The following NTN4 variants were observed in gnomAD, a reference collection of about 807,000 sequenced individuals.
The protein encoded by NTN4 is netrin-4.
Under a neutral mutation model 73.6 loss-of-function variants are expected in NTN4, and 32 were observed. That is an observed-to-expected ratio of 0.44 (90% CI 0.33 to 0.58). The LOEUF (loss-of-function observed/expected upper bound fraction) is 0.58. Ranked by LOEUF, NTN4 falls within the 20% of genes least tolerant of loss-of-function variation. The pLI, the probability that NTN4 is intolerant of heterozygous loss-of-function variation, is 0.04. For synonymous variants in NTN4, 258 were observed against 287.5 expected (o/e 0.90, Z 1.04); for missense variants, 654 against 798.3 (o/e 0.82, Z 2.18).
rs75887151 is a variant in NTN4, at chr12:95,717,530, G to T, written c.865-4192C>A. ...GTCATTTTGAGAATTACCAAAAATA[G>T]CTGTAAATCATTACCTAGACAATTT... On this transcript the variant is annotated intron_variant, in intron 3 of 9. Transcript: ENST00000343702. 8.2e-3 allele frequency among the ~76,000 whole-genome samples: 1,255 copies of T among 152,124 alleles called. 14 individuals are homozygous for T. Among genetic ancestry groups the T allele is most frequent in the African/African-American group, 0.029 (1,202 of 41,510 alleles).
chr12:95,707,872 G>A (rs1209072865), intron 5 of NTN4, among the ~76,000 whole-genome samples: 1 of 152,158 alleles, frequency 6.6e-6, no homozygotes, highest in South Asian at 2.1e-4. Flanking sequence ...ATCCAAGTTA[G>A]TGACAAATTA....
At chr12:95,675,256 T>C (rs2078264616) in intron 7 of NTN4, among the ~76,000 whole-genome samples, 1 of 152,204 alleles carries the variant, frequency 6.6e-6, no homozygotes, top group South Asian at 2.1e-4. Context: ...CACGAGATTA[T>C]GTTAAGTGAA....
intron 2 of NTN4, among the ~76,000 whole-genome samples, chr12:95,750,763 C>T (rs1158214729): frequency 6.6e-6 from 1 of 152,190 alleles, no homozygotes; most frequent in Non-Finnish European, 1.5e-5. Flanking sequence ...CCTTCCTCCC[C>T]AGGCTGCTCC....
At chr12:95,680,225 C>T (rs2078305267) in intron 7 of NTN4, among the ~76,000 whole-genome samples, 2 of 152,288 alleles carry the variant, frequency 1.3e-5, no homozygotes, top group Admixed American at 6.5e-5. Context: ...TTATTTACAG[C>T]GCTGCCACAT....
intron 4 of NTN4, among the ~76,000 whole-genome samples, chr12:95,712,258 C>G (rs1418458379): frequency 6.6e-6 from 1 of 152,054 alleles, no homozygotes; most frequent in East Asian, 1.9e-4. Flanking sequence ...TTAGTTAGTC[C>G]TTGTAGAGAA....
rs1247897505 is a variant in NTN4, at chr12:95,789,836, T to A, written c.55+419A>T. The A allele has an allele frequency of 6.0e-6, 1 of 167,794 alleles. No individual in the cohort carries two copies. Among genetic ancestry groups the A allele is most frequent in the East Asian group, 1.7e-4 (1 of 6,032 alleles). 10.4% of individuals were successfully genotyped at this position (167,794 alleles called of 1,614,324 possible). A position where few individuals can be genotyped will look rare whatever the true frequency, so the allele number is the denominator to read the frequency against. Reference sequence around the variant, plus strand: ...GTCAGGGACACCAGCGATGGGCTTCTACCAGAGACCGGCCCCAGCCCACGC... The same window carrying A: ...GTCAGGGACACCAGCGATGGGCTTCAACCAGAGACCGGCCCCAGCCCACGC... On this transcript the variant is annotated intron_variant, in intron 1 of 9. Transcript: ENST00000343702. This position sits in a 1 kb window ranked among gnomAD's most constrained non-coding sequence, Gnocchi z 4.0.
In NTN4 at chr12:95,672,592, C is replaced by T. The variant is rs144645816; in HGVS notation, c.1511-2446G>A. ...ATGAGCGGCACTATGGGGGTCTGAC[C>T]GATCTCGGTAAAGCAGAAACTGCTG... On this transcript the variant is annotated intron_variant, in intron 7 of 9. Coordinates refer to ENST00000343702, the MANE Select transcript of NTN4 (RefSeq NM_021229.4). 287 of 1,525,704 alleles carry T rather than the reference C, an allele frequency of 1.9e-4. 2 individuals are homozygous for T. The East Asian group carries it at 5.6e-3, about 30-fold the overall frequency. The allele number at this position is 1,525,704 out of a possible 1,614,324, so 94.5% of individuals were successfully genotyped here.
At chr12:95,667,471 C>T (rs899599082) in intron 8 of NTN4, among the ~76,000 whole-genome samples, 3 of 151,998 alleles carry the variant, frequency 2.0e-5, no homozygotes, top group African/African-American at 7.3e-5. Flanking sequence ...GCGAATACAG[C>T]GTCAGACAGC....
intron 2 of NTN4, among the ~76,000 whole-genome samples, chr12:95,738,550 G>A (rs1040622628): frequency 6.6e-6 from 1 of 152,144 alleles, no homozygotes; most frequent in Admixed American, 6.5e-5. Context: ...CTGGAGAGGC[G>A]GACAGAGAGC....
chr12:95,683,352 A>C (rs1332584472), intron 6 of NTN4, 146 bp downstream of exon 6: 1 of 760,276 alleles, frequency 1.3e-6, no homozygotes, highest in African/African-American at 1.7e-5. Context: ...GTGAGCCACC[A>C]CGCCCAGCCT....
intron 2 of NTN4, among the ~76,000 whole-genome samples, chr12:95,761,077 G>A (rs1160152881): frequency 6.6e-6 from 1 of 152,136 alleles, no homozygotes; most frequent in Non-Finnish European, 1.5e-5. Context: ...TAGTGTTGCA[G>A]ATATCCTTTT....
chr12:95,740,834 A>G (rs1351677730), intron 2 of NTN4, among the ~76,000 whole-genome samples: 1 of 152,102 alleles, frequency 6.6e-6, no homozygotes, highest in East Asian at 1.9e-4. Flanking sequence ...GAGGTTCTCA[A>G]AGAATGGTTC....
rs999226639 is a variant in NTN4 at position 95,710,538 on chromosome 12, G to A, written c.1083C>T (p.Asp361=). The A allele has an allele frequency of 6.2e-7, 1 of 1,614,142 alleles. No individual in the cohort carries two copies. Among genetic ancestry groups the A allele is most frequent in the Non-Finnish European group, 8.5e-7 (1 of 1,179,988 alleles). Reference sequence around the variant, plus strand: ...ACTGTCCTTCTGTGTTGTGCTGACAGTCATCACAGACACCACCACTACGAT... The same window carrying A: ...ACTGTCCTTCTGTGTTGTGCTGACAATCATCACAGACACCACCACTACGAT... ...SGNRSGGVCD[D]CQHNTEGQYC... The change falls in exon 5 of 10, where the codon GAC becomes GAT. Residue 361 remains aspartate (D), a synonymous_variant. Transcript: ENST00000343702.
chr12:95,709,181 C>T (rs550841186), intron 5 of NTN4, among the ~76,000 whole-genome samples: 56 of 152,110 alleles, frequency 3.7e-4, no homozygotes, highest in Non-Finnish European at 5.7e-4. Context: ...GCAAATAACC[C>T]CAAGGTTTTA....
chr12:95,768,169 G>A (rs1201666026), intron 2 of NTN4, among the ~76,000 whole-genome samples: 1 of 152,204 alleles, frequency 6.6e-6, no homozygotes, highest in Non-Finnish European at 1.5e-5. Context: ...TTCTCCAAGT[G>A]TGGTCTGGGC....
chr12:95,740,237 G>A (rs1222002987), intron 2 of NTN4, among the ~76,000 whole-genome samples: 2 of 152,238 alleles, frequency 1.3e-5, no homozygotes, highest in Non-Finnish European at 2.9e-5. Context: ...CAGTACAGAT[G>A]CTTCCAACTT....
At chr12:95,702,799 C>T (rs11108201) in intron 5 of NTN4, among the ~76,000 whole-genome samples, 17,453 of 146,528 alleles carry the variant, frequency 0.12, 1,578 homozygotes, top group East Asian at 0.57. Flanking sequence ...AACTTATGTG[C>T]TTCTAGTAAA....
intron 2 of NTN4, 70 bp downstream of exon 2, chr12:95,786,869 T>TAA: frequency 8.3e-7 from 1 of 1,207,406 alleles, no homozygotes; most frequent in Non-Finnish European, 1.2e-6. Flanking sequence ...CTTCATGCTT[T>TAA]AAAAAAAAAT....
intron 2 of NTN4, 99 bp from the exon 3 acceptor site, chr12:95,738,243 T>TCTGTGAAC: frequency 8.9e-7 from 1 of 1,117,408 alleles, no homozygotes; most frequent in Non-Finnish European, 1.3e-6. Context: ...CCTTATGTCA[T>TCTGTGAAC]CTGTGAACGA....
Sources: gnomAD v4.1 joint callset for allele counts (sites outside exome capture counted in the v4.1 genomes callset) on GRCh38, gnomAD v4.1.1 for gene constraint, Gnocchi (gnomAD v3.1) non-coding constraint, MANE v1.5 for transcripts, NCBI Gene and HGNC (gene_info 2026-07-23, HGNC 2026-07-21) for gene names.